BAX: variants seen among roughly 807,000 people sequenced by gnomAD.
BAX encodes apoptosis regulator BAX.
In BAX, 21 loss-of-function variants were observed where a neutral mutation model predicts 26.8. The ratio of observed to expected loss-of-function variants is 0.78; its 90% CI spans 0.56 to 1.13. The LOEUF is 1.13. Ranked by LOEUF, BAX falls within the 50% of genes most tolerant of loss-of-function variation. The pLI is 0.00. For synonymous variants in BAX, 110 were observed against 101.8 expected (o/e 1.08, Z -0.49); for missense variants, 236 against 254.6 (o/e 0.93, Z 0.50).
At chr19:48,959,349 CAAAAAAAAAAAA>C (rs71179067) in intron 4 of BAX, among the ~76,000 whole-genome samples, 3 of 73,054 alleles carry the variant, frequency 4.1e-5, no homozygotes, top group African/African-American at 1.7e-4. Flanking sequence ...GACTCCGTCT[CAAAAAAAAAAAA>C]AAAAAAAAAA....
intron 4 of BAX, 44 bp from the exon 5 acceptor site, chr19:48,960,766 T>C: frequency 6.6e-7 from 1 of 1,508,356 alleles, no homozygotes; most frequent in Non-Finnish European, 9.1e-7. Flanking sequence ...CTCCAGGCAG[T>C]GGGGACAAGG....
intron 5 of BAX, 33 bp downstream of exon 5, chr19:48,960,947 C>T: frequency 3.7e-6 from 6 of 1,613,228 alleles, no homozygotes; most frequent in Non-Finnish European, 5.1e-6. Context: ...ACCCCCACCA[C>T]CGCGCCCTCA....
At chr19:48,960,998 T>C in intron 5 of BAX, 84 bp downstream of exon 5, 1 of 1,596,674 alleles carries the variant, frequency 6.3e-7, no homozygotes, top group Admixed American at 1.7e-5. Context: ...CCGCCACTCC[T>C]CTGGGACCCT....
At chr19:48,960,690 A>C (rs768673580) in intron 4 of BAX, 120 bp from the exon 5 acceptor site, 13 of 917,890 alleles carry the variant, frequency 1.4e-5, no homozygotes, top group Non-Finnish European at 2.0e-5. Context: ...AGCCGACTTC[A>C]ATTGTGGGTG....
chr19:48,956,087 C>A, intron 3 of BAX, 111 bp from the exon 4 acceptor site: 1 of 1,367,166 alleles, frequency 7.3e-7, no homozygotes, highest in Non-Finnish European at 9.7e-7. Context: ...CTTTTCATTT[C>A]AGCCTGGCTT....
At chr19:48,961,104 C>G in intron 5 of BAX, 190 bp downstream of exon 5, 1 of 1,574,186 alleles carries the variant, frequency 6.4e-7, no homozygotes, top group Non-Finnish European at 8.6e-7. Flanking sequence ...CTGATCAATC[C>G]CCGATTCATC....
At chr19:48,960,121 T>G (rs1164698420) in intron 4 of BAX, 4 of 372,922 alleles carry the variant, frequency 1.1e-5, no homozygotes, top group South Asian at 6.1e-5. Flanking sequence ...ATCCTGAGGG[T>G]ACTGGGGAGC....
chr19:48,961,466 C>T (rs1002464330), intron 5 of BAX, 66 bp from the exon 6 acceptor site: 46 of 1,410,608 alleles, frequency 3.3e-5, no homozygotes, highest in East Asian at 1.5e-4. Flanking sequence ...TCCCTGATCC[C>T]GCCTCTGCCT....
At chr19:48,955,423 T>A (rs2038084916) in intron 1 of BAX, 125 bp from the exon 2 acceptor site, 1 of 1,112,038 alleles carries the variant, frequency 9.0e-7, no homozygotes, top group East Asian at 2.6e-5. Context: ...TCACTTTATC[T>A]GCTAGGGTCC....
Position 48,955,586 on chromosome 19 carries a change from C to A in BAX, c.73C>A (p.Leu25Ile). The part of the protein sequence containing the change: ...SSEQIMKTGA[L>I]LLQGFIQDRA... The stretch of plus-strand genomic sequence containing the variant: ...TGAGCAGATCATGAAGACAGGGGCC[C>A]TTTTGCTTCAGGGGTGAGTTTGAGG... Residue 25 changes from leucine (L) to isoleucine (I), a missense_variant, in exon 2 of 6, where the codon CTT becomes ATT. Leu to Ile is a conservative substitution (Grantham distance 5, BLOSUM62 2). Coordinates refer to ENST00000345358, the MANE Select transcript of BAX (RefSeq NM_138761.4). The A allele has an allele frequency of 1.2e-6, 2 of 1,613,916 alleles. No homozygotes were observed. The highest frequency in any genetic ancestry group is 8.5e-7 in the Non-Finnish European group (1 of 1,179,908).
At chr19:48,961,048 T>A in intron 5 of BAX, 134 bp downstream of exon 5, 2 of 1,599,814 alleles carry the variant, frequency 1.3e-6, no homozygotes, top group South Asian at 2.2e-5. Flanking sequence ...CCTCTCCCCA[T>A]CTTCAGATCA....
chr19:48,957,448 T>A (rs1046547483), intron 4 of BAX, among the ~76,000 whole-genome samples: 1 of 150,472 alleles, frequency 6.6e-6, no homozygotes, highest in Non-Finnish European at 1.5e-5. Context: ...CTAGTTTTTG[T>A]ATTTTTAGTA....
intron 5 of BAX, chr19:48,961,287 A>C (rs573277587): frequency 2.1e-6 from 3 of 1,403,288 alleles, no homozygotes; most frequent in Admixed American, 2.9e-5. Flanking sequence ...GGGTCTCGCT[A>C]TGTTGCCCAG....
chr19:48,961,531 G>A lies in BAX; in HGVS notation c.475-1G>A, dbSNP rs777573936. ...GAAGCGACTGATGTCCCTGTCTCCA[G>A]GACGGCCTCCTCTCCTACTTTGGGA... On this transcript the variant is annotated splice_acceptor_variant, in intron 5 of 5. Coordinates refer to ENST00000345358, the MANE Select transcript of BAX (RefSeq NM_138761.4). LOFTEE classifies it high-confidence loss of function. The A allele has an allele frequency of 6.2e-7, 1 of 1,605,712 alleles. No individual in the cohort carries two copies. Among genetic ancestry groups the A allele is most frequent in the Admixed American group, 1.7e-5 (1 of 59,096 alleles).
chr19:48,958,048 T>C (rs2387583), intron 4 of BAX, among the ~76,000 whole-genome samples: 127,259 of 151,426 alleles, frequency 0.84, 53,804 homozygotes, highest in East Asian at 0.95. Context: ...ATAGTCTTGC[T>C]GAAAGATGAC....
intron 4 of BAX, among the ~76,000 whole-genome samples, chr19:48,958,325 G>T (rs2038216935): frequency 6.7e-6 from 1 of 149,348 alleles, no homozygotes; most frequent in South Asian, 2.1e-4. Flanking sequence ...CCAACAGGGA[G>T]GGATATTTCT....
intron 4 of BAX, chr19:48,960,220 T>G (rs1339232577): frequency 6.7e-6 from 3 of 446,332 alleles, no homozygotes; most frequent in Non-Finnish European, 1.3e-5. Flanking sequence ...TTGAGACGGA[T>G]TCTTGCTCTA....
chr19:48,961,250 C>CT (rs371491785), intron 5 of BAX: 108,427 of 949,026 alleles, frequency 0.11, 7 homozygotes, highest in Non-Finnish European at 0.12. Flanking sequence ...TAGCTCTTTC[C>CT]TTTTTTTTTT....
intron 4 of BAX, among the ~76,000 whole-genome samples, chr19:48,958,117 G>T (rs577332424): frequency 1.7e-3 from 258 of 151,602 alleles, no homozygotes; most frequent in Non-Finnish European, 2.1e-3. Flanking sequence ...AAGAGGTAGG[G>T]TCTTGCTCTG....
Sources: gnomAD v4.1 joint callset for allele counts (sites outside exome capture counted in the v4.1 genomes callset) on GRCh38, gnomAD v4.1.1 for gene constraint, MANE v1.5 for transcripts, NCBI Gene and HGNC (gene_info 2026-07-23, HGNC 2026-07-21) for gene names.